Variants in GUCA1C observed in about 807,000 individuals in gnomAD.
The protein encoded by GUCA1C is guanylate cyclase activator 1C.
A neutral mutation model predicts 16.2 loss-of-function variants in GUCA1C; 15 were observed. That is an observed-to-expected ratio of 0.93 (90% CI 0.62 to 1.43). The LOEUF (loss-of-function observed/expected upper bound fraction) is 1.43. GUCA1C is among the 40% of genes most tolerant of loss of function. The pLI, the probability that GUCA1C is intolerant of heterozygous loss-of-function variation, is 0.00. For missense variants in GUCA1C, 275 were observed against 244.8 expected (o/e 1.12, Z -0.82); for synonymous variants, 78 against 85.4 (o/e 0.91, Z 0.48).
chr3:108,939,324 C>CTTTTTTTTTTTTGTTTTTTTTTTTT (rs1946761557), intron 1 of GUCA1C, among the ~76,000 whole-genome samples: 1 of 32,912 alleles, frequency 3.0e-5, no homozygotes, highest in African/African-American at 1.1e-4. Flanking sequence ...TGCTTCAAGG[C>CTTTTTTTTTTTTGTTTTTTTTTTTT]TTTTTTTTTT....
At chr3:108,940,560 T>C (rs923337254) in intron 1 of GUCA1C, among the ~76,000 whole-genome samples, 4 of 152,336 alleles carry the variant, frequency 2.6e-5, no homozygotes, top group African/African-American at 7.2e-5. Flanking sequence ...TTGGCAGCCA[T>C]TGCAAGGGGC....
At chr3:108,953,488 G>GGAA in intron 1 of GUCA1C, 71 bp downstream of exon 1, 3 of 874,072 alleles carry the variant, frequency 3.4e-6, no homozygotes, top group Non-Finnish European at 5.3e-6. Flanking sequence ...TATTTTACAG[G>GGAA]AAAAAAAAAA....
At chr3:108,932,333 A>AC (rs1322117917) in intron 1 of GUCA1C, among the ~76,000 whole-genome samples, 19 of 119,446 alleles carry the variant, frequency 1.6e-4, no homozygotes, top group Non-Finnish European at 2.9e-4. Context: ...CAAAAAAAAA[A>AC]AAAAAACAAA....
chr3:108,908,954 T>C (rs777741973), intron 3 of GUCA1C, among the ~76,000 whole-genome samples: 30 of 152,204 alleles, frequency 2.0e-4, no homozygotes, highest in Non-Finnish European at 2.9e-4. Context: ...GATGCAGTTA[T>C]TGATCTCAAA....
intron 1 of GUCA1C, among the ~76,000 whole-genome samples, chr3:108,946,623 C>G (rs1946846512): frequency 6.6e-6 from 1 of 152,066 alleles, no homozygotes; most frequent in Non-Finnish European, 1.5e-5. Context: ...AAATCTGAAT[C>G]TATTTACGTT....
chr3:108,938,137 A>ACT (rs1396157495), intron 1 of GUCA1C, among the ~76,000 whole-genome samples: 1 of 152,146 alleles, frequency 6.6e-6, no homozygotes, highest in Non-Finnish European at 1.5e-5. Context: ...TATTCTATGT[A>ACT]CTCTCTAATT....
Position 108,908,051 on chromosome 3 carries a change from C to A in GUCA1C, c.601G>T (p.Ala201Ser). 1 of 1,613,802 alleles carries A rather than the reference C, an allele frequency of 6.2e-7. No individual in the cohort carries two copies. Reference sequence around the variant, plus strand: ...TTCATTTTCACCTTCCCTAGACCAGCCTTGTCAGGAGATTTGGAGGAGTCT... The same window carrying A: ...TTCATTTTCACCTTCCCTAGACCAGACTTGTCAGGAGATTTGGAGGAGTCT... ...ETDSSKSPDKAGLGKVKMK is the reference protein window; with the variant it reads ...ETDSSKSPDKSGLGKVKMK The change falls in exon 4 of 4, where the codon GCT becomes TCT. Residue 201 changes from alanine (A) to serine (S), a missense_variant. Physicochemically the swap from Ala to Ser is moderately conservative, Grantham distance 99. Coordinates refer to ENST00000261047, the MANE Select transcript of GUCA1C (RefSeq NM_005459.4).
Position 108,921,971 on chromosome 3 carries a change from T to C in GUCA1C, c.205-1386A>G, listed in dbSNP as rs576785454. Among the ~76,000 whole-genome samples the C allele has an allele frequency of 3.7e-4, 57 of 152,298 alleles. 2 individuals carry two copies. Among genetic ancestry groups the C allele is most frequent in the Admixed American group, 2.6e-3 (39 of 15,290 alleles). On this transcript the variant is annotated intron_variant, in intron 1 of 3. Coordinates refer to ENST00000261047, the MANE Select transcript of GUCA1C (RefSeq NM_005459.4). ...CCCAAAGTCCAATGTATCATTCTTA[T>C]ACCTTTGCATCCTCATAGCTTAACT...
chr3:108,933,512 A>G (rs1946691841), intron 1 of GUCA1C, among the ~76,000 whole-genome samples: 1 of 152,064 alleles, frequency 6.6e-6, no homozygotes, highest in South Asian at 2.1e-4. Flanking sequence ...TAAGGGGGAG[A>G]GGAAAGAAAT....
chr3:108,940,130 T>C (rs1224560975), intron 1 of GUCA1C, among the ~76,000 whole-genome samples: 1 of 152,264 alleles, frequency 6.6e-6, no homozygotes, highest in Non-Finnish European at 1.5e-5. Flanking sequence ...AAATATGATG[T>C]ACTTTATTAT....
chr3:108,920,167 T>C (rs545272334), intron 2 of GUCA1C, among the ~76,000 whole-genome samples: 1 of 152,326 alleles, frequency 6.6e-6, no homozygotes, highest in East Asian at 1.9e-4. Flanking sequence ...GATAAGTTGC[T>C]TTACAATATC....
intron 2 of GUCA1C, among the ~76,000 whole-genome samples, chr3:108,918,760 TTA>T (rs1172951873): frequency 2.6e-4 from 40 of 152,290 alleles, no homozygotes; most frequent in African/African-American, 8.4e-4. Context: ...AGAACTTAGA[TTA>T]TACACTTTGT....
chr3:108,946,576 C>T (rs1398957042), intron 1 of GUCA1C, among the ~76,000 whole-genome samples: 1 of 152,090 alleles, frequency 6.6e-6, no homozygotes, highest in Non-Finnish European at 1.5e-5. Context: ...AGTAAGACAA[C>T]CAATAATTAT....
chr3:108,925,546 T>C (rs887436745), intron 1 of GUCA1C, among the ~76,000 whole-genome samples: 4 of 152,226 alleles, frequency 2.6e-5, no homozygotes, highest in Non-Finnish European at 5.9e-5. Flanking sequence ...GCCTACCATA[T>C]GGTCTATCTT....
chr3:108,948,911 G>A (rs918834308), intron 1 of GUCA1C, among the ~76,000 whole-genome samples: 3 of 150,804 alleles, frequency 2.0e-5, no homozygotes, highest in Admixed American at 2.0e-4. Flanking sequence ...ACAAGGGCAC[G>A]ATCTCAACTC....
intron 1 of GUCA1C, among the ~76,000 whole-genome samples, chr3:108,950,706 A>T (rs1946888453): frequency 6.6e-6 from 1 of 152,214 alleles, no homozygotes; most frequent in African/African-American, 2.4e-5. Context: ...CTTGAATACA[A>T]TCCAAAGCCA....
At chr3:108,953,067 A>G (rs1946912355) in intron 1 of GUCA1C, among the ~76,000 whole-genome samples, 1 of 152,184 alleles carries the variant, frequency 6.6e-6, no homozygotes, top group Non-Finnish European at 1.5e-5. Flanking sequence ...ATGGGGAAAA[A>G]AGTAATATGA....
In GUCA1C at chr3:108,908,007, C is replaced by G. The variant is rs776252753; in HGVS notation, c.*15G>C. ...ATGTTGTGCTCATTGATAGCTGGGA[C>G]AGGTATTCTCACAGCTACTTCATTT... On this transcript the variant is annotated 3_prime_UTR_variant, in exon 4 of 4. Coordinates refer to ENST00000261047, the MANE Select transcript of GUCA1C (RefSeq NM_005459.4). 9.5e-6 allele frequency: 15 copies of G among 1,581,442 alleles called. No homozygotes were observed. In the South Asian group the frequency reaches 1.7e-4, roughly 18 times the overall value.
intron 3 of GUCA1C, among the ~76,000 whole-genome samples, chr3:108,915,616 G>A (rs1485903318): frequency 6.6e-6 from 1 of 152,054 alleles, no homozygotes; most frequent in Non-Finnish European, 1.5e-5. Context: ...AGATAGAAAA[G>A]GTAGAAAAAG....
Sources: allele counts gnomAD v4.1 joint callset (sites outside exome capture counted in the v4.1 genomes callset), GRCh38; gene constraint gnomAD v4.1.1; transcripts MANE v1.5; gene names NCBI Gene and HGNC (gene_info 2026-07-23, HGNC 2026-07-21).